Variants in CCDC30 observed in about 807,000 individuals in gnomAD.
CCDC30 encodes the protein coiled-coil domain-containing protein 30.
Under a neutral mutation model 100.2 loss-of-function variants are expected in CCDC30, and 70 were observed. That is an observed-to-expected ratio of 0.70 (90% CI 0.58 to 0.85). The LOEUF is 0.85. Among genes scored for constraint, CCDC30 ranks in the 40% least tolerant of loss-of-function variants. CCDC30 has a pLI of 0.00. For synonymous variants in CCDC30, 233 were observed against 269.5 expected (o/e 0.86, Z 1.33); for missense variants, 652 against 771.2 (o/e 0.85, Z 1.83).
At chr1:42,546,160 C>T (rs1645126203) in intron 6 of CCDC30, among the ~76,000 whole-genome samples, 2 of 150,792 alleles carry the variant, frequency 1.3e-5, no homozygotes, top group African/African-American at 2.4e-5. Context: ...CCAAGGCGGG[C>T]GGATCACCTG....
In CCDC30 at chr1:42,543,264, C is replaced by T. The variant is rs111952891; in HGVS notation, c.457-23032C>T. 8.2e-3 allele frequency among the ~76,000 whole-genome samples: 1,226 copies of T among 149,734 alleles called. 12 individuals are homozygous for T. Among genetic ancestry groups the T allele is most frequent in the African/African-American group, 0.027 (1,109 of 40,468 alleles). On this transcript the variant is annotated intron_variant, in intron 6 of 16. Transcript: ENST00000668663. Reference sequence around the variant, plus strand: ...CTGGGATTACAGGTGTGAGCCACCACAACTGGCCTTCTTTTTTTTTTTTTC... The same window carrying T: ...CTGGGATTACAGGTGTGAGCCACCATAACTGGCCTTCTTTTTTTTTTTTTC...
At chr1:42,528,061 TCAC>T (rs1172913145) in intron 6 of CCDC30, among the ~76,000 whole-genome samples, 1 of 152,118 alleles carries the variant, frequency 6.6e-6, no homozygotes, top group African/African-American at 2.4e-5. Flanking sequence ...AGATGGGGTT[TCAC>T]CACATTGGCC....
At position 42,472,535 on chromosome 1, in the gene CCDC30, C is replaced by T. The variant is rs1253384665; in HGVS notation, c.-91-7926C>T. On this transcript the variant is annotated intron_variant, in intron 1 of 16. Transcript: ENST00000668663. ...AGCTTCCAGAGGAATCCTTTTATTT[C>T]TAAATATGCAATAAAAGGAACAAAG... Among the ~76,000 whole-genome samples, 4 of 152,002 alleles carry T rather than the reference C, an allele frequency of 2.6e-5. No homozygotes were observed. The East Asian group carries it at 7.7e-4, about 29-fold the overall frequency.
intron 7 of CCDC30, among the ~76,000 whole-genome samples, chr1:42,568,454 A>G (rs1645654695): frequency 1.3e-5 from 2 of 152,154 alleles, no homozygotes; most frequent in African/African-American, 4.8e-5. Flanking sequence ...ACAACCCTAA[A>G]GGGTCAGCAC....
At chr1:42,459,048 G>C (rs967803097), upstream of CCDC30, among the ~76,000 whole-genome samples, 1 of 152,106 alleles carries the variant, frequency 6.6e-6, no homozygotes, top group Non-Finnish European at 1.5e-5. Flanking sequence ...ATTAATGGTG[G>C]TAAGGTTGGC....
chr1:42,632,741 C>A (rs1412110726), intron 11 of CCDC30, among the ~76,000 whole-genome samples: 3 of 143,076 alleles, frequency 2.1e-5, no homozygotes, highest in Non-Finnish European at 3.0e-5. Flanking sequence ...GCATGGGCAA[C>A]AAGAGCAAAA....
At chr1:42,497,926 T>C (rs1400268215) in intron 5 of CCDC30, among the ~76,000 whole-genome samples, 1 of 152,202 alleles carries the variant, frequency 6.6e-6, no homozygotes, top group Non-Finnish European at 1.5e-5. Context: ...CTTCTGGATA[T>C]ATGCCCCAGA....
chr1:42,633,786 A>T (rs1208963008), intron 11 of CCDC30, among the ~76,000 whole-genome samples: 2 of 152,168 alleles, frequency 1.3e-5, no homozygotes, highest in Non-Finnish European at 2.9e-5. Context: ...TAGTTGTATT[A>T]GTCACTTCTC....
chr1:42,511,632 T>C (rs1644478908), intron 6 of CCDC30, among the ~76,000 whole-genome samples: 1 of 152,190 alleles, frequency 6.6e-6, no homozygotes, highest in Non-Finnish European at 1.5e-5. Context: ...GACTCCTAAT[T>C]GTCAAAAGCA....
chr1:42,614,283 T>C (rs969091342), intron 11 of CCDC30, among the ~76,000 whole-genome samples: 3 of 151,732 alleles, frequency 2.0e-5, no homozygotes, highest in Admixed American at 2.0e-4. Context: ...GGTTTCACCG[T>C]GTTAGCCAGG....
chr1:42,544,803 G>A (rs1186928908), intron 6 of CCDC30, among the ~76,000 whole-genome samples: 2 of 152,038 alleles, frequency 1.3e-5, no homozygotes, highest in African/African-American at 2.4e-5. Context: ...CATTGCACCC[G>A]GCCAAGACTG....
At chr1:42,517,782 T>C (rs376469657) in intron 6 of CCDC30, among the ~76,000 whole-genome samples, 1 of 152,246 alleles carries the variant, frequency 6.6e-6, no homozygotes, top group African/African-American at 2.4e-5. Flanking sequence ...CAAGATCAAA[T>C]ATGCGAGAGT....
At chr1:42,486,165 G>T (rs1644047292) in intron 3 of CCDC30, among the ~76,000 whole-genome samples, 1 of 152,168 alleles carries the variant, frequency 6.6e-6, no homozygotes, top group South Asian at 2.1e-4. Context: ...ACACAGACTT[G>T]TATGTAAATG....
intron 10 of CCDC30, chr1:42,591,033 G>A (rs1646176759): frequency 6.6e-6 from 1 of 152,220 alleles, no homozygotes; most frequent in Non-Finnish European, 1.5e-5. Context: ...CTGACTCCTT[G>A]TAACAACCTG....
chr1:42,568,424 T>C (rs964723288), intron 7 of CCDC30, among the ~76,000 whole-genome samples: 4 of 152,180 alleles, frequency 2.6e-5, no homozygotes, highest in African/African-American at 9.7e-5. Context: ...CTGTCTACTT[T>C]ATCTCTTACG....
chr1:42,647,603 C>T (rs1647992206), intron 15 of CCDC30, among the ~76,000 whole-genome samples: 1 of 152,184 alleles, frequency 6.6e-6, no homozygotes, highest in Admixed American at 6.5e-5. Flanking sequence ...ACTTATGGAA[C>T]ATACCCACTG....
chr1:42,629,804 T>C (rs1192348277), intron 11 of CCDC30, among the ~76,000 whole-genome samples: 1 of 151,244 alleles, frequency 6.6e-6, no homozygotes, highest in Non-Finnish European at 1.5e-5. Flanking sequence ...TTAGTAGACA[T>C]GGGGTTTCAC....
intron 6 of CCDC30, chr1:42,545,448 T>A (rs1376343717): frequency 3.1e-6 from 5 of 1,592,362 alleles, no homozygotes; most frequent in Non-Finnish European, 4.3e-6. Context: ...AATTAAATCA[T>A]TTTACTCTAG....
exon 17 of CCDC30, chr1:42,653,839 A>G: frequency 6.8e-6 from 11 of 1,613,992 alleles, no homozygotes; most frequent in South Asian, 1.1e-5. Context: ...AAGGTTTGGT[A>G]GAGTCATTTG....
Sources: allele counts gnomAD v4.1 joint callset (sites outside exome capture counted in the v4.1 genomes callset), GRCh38; gene constraint gnomAD v4.1.1; transcripts MANE v1.5; gene names NCBI Gene and HGNC (gene_info 2026-07-23, HGNC 2026-07-21).